The following DLC1 variants were observed in gnomAD, a reference collection of about 807,000 sequenced individuals.
The protein encoded by DLC1 is DLC1 Rho GTPase activating protein.
A neutral mutation model predicts 140.3 loss-of-function variants in DLC1; 54 were observed. The observed-to-expected ratio is 0.38, with a 90% CI of 0.31 to 0.48. DLC1 has a LOEUF of 0.48. DLC1 is among the 20% of genes least tolerant of loss of function. The pLI, the probability that DLC1 is intolerant of heterozygous loss-of-function variation, is 0.96. For synonymous variants in DLC1, 986 were observed against 728.1 expected (o/e 1.35, Z -5.70); for missense variants, 2,536 against 1,907.0 (o/e 1.33, Z -6.14).
At position 13,431,858 on chromosome 8, in the gene DLC1, A is replaced by T. The variant is rs1398859552; in HGVS notation, c.1024-30239T>A. On this transcript the variant is annotated intron_variant, in intron 2 of 17. Transcript: ENST00000276297. ...AAAGCTGAGTAGAGCAGATGGAGACATAAAAAGATTCAGGACAGATAAAAG... is the reference window on the plus strand; with the variant it reads ...AAAGCTGAGTAGAGCAGATGGAGACTTAAAAAGATTCAGGACAGATAAAAG... Among the ~76,000 whole-genome samples, 9 of 152,190 alleles carry T rather than the reference A, an allele frequency of 5.9e-5. 1 individual carries two copies. The highest frequency in any genetic ancestry group is 1.0e-4 in the Non-Finnish European group (7 of 68,040).
intron 5 of DLC1, among the ~76,000 whole-genome samples, chr8:13,290,653 A>T (rs1457907462): frequency 6.6e-6 from 1 of 152,200 alleles, no homozygotes; most frequent in Non-Finnish European, 1.5e-5. Flanking sequence ...GTTCGGATAG[A>T]GTACTGGAGT....
intron 5 of DLC1, among the ~76,000 whole-genome samples, chr8:13,168,089 A>C (rs568762820): frequency 6.6e-6 from 1 of 152,326 alleles, no homozygotes; most frequent in African/African-American, 2.4e-5. Flanking sequence ...TCTAAGCCAC[A>C]GTGATGTCTC....
At chr8:13,162,767 CCGTCTTTA>C (rs1334553786) in intron 5 of DLC1, among the ~76,000 whole-genome samples, 1 of 152,054 alleles carries the variant, frequency 6.6e-6, no homozygotes, top group African/African-American at 2.4e-5. Context: ...CAGTGAGACC[CCGTCTTTA>C]CGCCTCCCCA....
At chr8:13,263,411 C>T (rs149152853) in intron 5 of DLC1, among the ~76,000 whole-genome samples, 79 of 152,100 alleles carry the variant, frequency 5.2e-4, no homozygotes, top group African/African-American at 1.6e-3. Flanking sequence ...TAAATAGACA[C>T]TTAGTTACAT....
intron 2 of DLC1, among the ~76,000 whole-genome samples, chr8:13,475,266 G>A (rs1156825795): frequency 6.6e-6 from 1 of 152,152 alleles, no homozygotes; most frequent in Non-Finnish European, 1.5e-5. Context: ...TTAAAAAAAG[G>A]TGTTCCCTAC....
intron 5 of DLC1, among the ~76,000 whole-genome samples, chr8:13,149,084 G>A (rs1048379893): frequency 3.9e-5 from 6 of 152,242 alleles, no homozygotes; most frequent in Non-Finnish European, 7.3e-5. Context: ...GAGCCACTGC[G>A]CCCAGCCAAT....
chr8:13,349,149 C>T (rs1267963384), intron 4 of DLC1, among the ~76,000 whole-genome samples: 1 of 152,066 alleles, frequency 6.6e-6, no homozygotes, highest in African/African-American at 2.4e-5. Flanking sequence ...GGATGTTGGG[C>T]AGAGCTGAGG....
chr8:13,476,508 G>T (rs1277663048), intron 2 of DLC1, among the ~76,000 whole-genome samples: 5 of 149,436 alleles, frequency 3.3e-5, no homozygotes, highest in African/African-American at 1.2e-4. Flanking sequence ...AGTCAACCAT[G>T]TAATTTATCA....
intron 1 of DLC1, among the ~76,000 whole-genome samples, chr8:13,600,928 T>G (rs1218173658): frequency 6.6e-6 from 1 of 151,898 alleles, no homozygotes; most frequent in Non-Finnish European, 1.5e-5. Flanking sequence ...GTATTCATTT[T>G]ACCAAATCAT....
intron 5 of DLC1, among the ~76,000 whole-genome samples, chr8:13,292,615 G>C (rs758449232): frequency 1.3e-5 from 2 of 151,952 alleles, no homozygotes; most frequent in Non-Finnish European, 2.9e-5. Context: ...GCCATCAGAG[G>C]CCTTAGAAAT....
In DLC1 at chr8:13,552,111, G is replaced by GTGTATATATA. The variant is rs1279225632; in HGVS notation, c.-125-51916_-125-51915insTATATATACA. On this transcript the variant is annotated intron_variant, in intron 1 of 1. Transcript: ENST00000631382. Reference sequence around the variant, plus strand: ...TATATGTATGTACCTGTCTAGAGGTGTATATATATATATATATATATATAT... The same window carrying GTGTATATATA: ...TATATGTATGTACCTGTCTAGAGGTGTGTATATATATATATATATATATATATATATATAT... Among the ~76,000 whole-genome samples, 79 of 54,530 alleles carry GTGTATATATA rather than the reference G, an allele frequency of 1.4e-3. 1 individual carries two copies. Among genetic ancestry groups the GTGTATATATA allele is most frequent in the Non-Finnish European group, 2.1e-3 (63 of 30,132 alleles). The allele number at this position is 54,530 out of a possible 152,430, so 35.8% of individuals were successfully genotyped here.
chr8:13,520,016 C>T lies in DLC1; in HGVS notation c.-125-19820G>A, dbSNP rs141080696. On this transcript the variant is annotated intron_variant, in intron 1 of 1. Transcript: ENST00000631382. ...GTGGAGAAATAGGAACACTTTTACA[C>T]CGTTGGTGGGAGTGTGAATTAGTTC... Among the ~76,000 whole-genome samples the T allele has an allele frequency of 2.0e-5, 3 of 152,292 alleles. No homozygotes were observed. The East Asian group carries it at 5.8e-4, about 29-fold the overall frequency.
At chr8:13,604,157 C>G (rs1230424479) in intron 1 of DLC1, among the ~76,000 whole-genome samples, 1 of 152,006 alleles carries the variant, frequency 6.6e-6, no homozygotes, top group Non-Finnish European at 1.5e-5. Context: ...AAAACTCCAA[C>G]ACATTATCAT....
chr8:13,454,366 C>T (rs1422363220), intron 2 of DLC1, among the ~76,000 whole-genome samples: 1 of 152,096 alleles, frequency 6.6e-6, no homozygotes, highest in Non-Finnish European at 1.5e-5. Flanking sequence ...TCCTAAAATA[C>T]TATAATTCAT....
intron 4 of DLC1, among the ~76,000 whole-genome samples, chr8:13,333,922 A>G (rs998222891): frequency 6.6e-6 from 1 of 152,210 alleles, no homozygotes; most frequent in African/African-American, 2.4e-5. Flanking sequence ...CCTTATACAT[A>G]CTGGGAAAAC....
intron 4 of DLC1, among the ~76,000 whole-genome samples, chr8:13,382,505 CAAAAAAAAAAAAAAAA>C (rs71207149): frequency 2.8e-5 from 1 of 35,508 alleles, no homozygotes; most frequent in African/African-American, 1.3e-4. Context: ...GACTCCGTCT[CAAAAAAAAAAAAAAAA>C]AAAAAAAAAA....
chr8:13,554,098 A>C (rs1261217167), intron 1 of DLC1, among the ~76,000 whole-genome samples: 3 of 151,740 alleles, frequency 2.0e-5, no homozygotes, highest in Admixed American at 6.6e-5. Flanking sequence ...ACAGAGTCTC[A>C]CTCTGTGGCC....
chr8:13,596,921 G>C (rs367969093), intron 1 of DLC1, among the ~76,000 whole-genome samples: 23 of 152,040 alleles, frequency 1.5e-4, no homozygotes, highest in African/African-American at 4.8e-4. Context: ...GCGGAGTGTG[G>C]ATCAGAATGC....
At chr8:13,315,513 G>A (rs1470147955) in intron 4 of DLC1, among the ~76,000 whole-genome samples, 1 of 152,208 alleles carries the variant, frequency 6.6e-6, no homozygotes, top group Non-Finnish European at 1.5e-5. Flanking sequence ...CTGCTCTGTG[G>A]TGTCAGAAAG....
Sources: allele counts gnomAD v4.1 joint callset (sites outside exome capture counted in the v4.1 genomes callset), GRCh38; gene constraint gnomAD v4.1.1; transcripts MANE v1.5; gene names NCBI Gene and HGNC (gene_info 2026-07-23, HGNC 2026-07-21).